Variants in MAN1A2 observed in about 807,000 individuals in gnomAD.
MAN1A2 encodes mannosidase alpha class 1A member 2, also known as mannosyl-oligosaccharide 1,2-alpha-mannosidase IB.
In MAN1A2, 26 loss-of-function variants were observed where a neutral mutation model predicts 75.7. The ratio of observed to expected loss-of-function variants is 0.34; its 90% CI spans 0.25 to 0.48. The LOEUF (loss-of-function observed/expected upper bound fraction) is 0.48. Ranked by LOEUF, MAN1A2 falls within the 20% of genes least tolerant of loss-of-function variation. The pLI, the probability that MAN1A2 is intolerant of heterozygous loss-of-function variation, is 0.99. For missense variants in MAN1A2, 562 were observed against 775.5 expected (o/e 0.72, Z 3.27); for synonymous variants, 247 against 264.6 (o/e 0.93, Z 0.65).
At chr1:117,395,317 TTTG>T (rs1168861328) in intron 1 of MAN1A2, among the ~76,000 whole-genome samples, 4 of 152,202 alleles carry the variant, frequency 2.6e-5, no homozygotes, top group Non-Finnish European at 5.9e-5. Context: ...TCAAAATGCA[TTTG>T]TTTATATCTA....
intron 1 of MAN1A2, among the ~76,000 whole-genome samples, chr1:117,378,864 G>GT (rs1557925739): frequency 6.6e-6 from 1 of 151,036 alleles, no homozygotes; most frequent in African/African-American, 2.4e-5. Context: ...TTTTTTGCCA[G>GT]TTTTCTTTTG....
chr1:117,520,861 G>A (rs904714377), intron 12 of MAN1A2, among the ~76,000 whole-genome samples: 1 of 151,920 alleles, frequency 6.6e-6, no homozygotes, highest in Non-Finnish European at 1.5e-5. Flanking sequence ...ACATAGCCAA[G>A]GCAAGACTAA....
chr1:117,467,938 T>C (rs75173411), intron 8 of MAN1A2, among the ~76,000 whole-genome samples: 1 of 152,120 alleles, frequency 6.6e-6, no homozygotes, highest in Non-Finnish European at 1.5e-5. Context: ...AAAAAAAGGG[T>C]TGAATATATA....
chr1:117,401,522 TG>T (rs992713288), intron 1 of MAN1A2, among the ~76,000 whole-genome samples: 1 of 152,162 alleles, frequency 6.6e-6, no homozygotes, highest in Admixed American at 6.5e-5. Context: ...AAAGTAGGGC[TG>T]GGTGGAAAAC....
At chr1:117,391,008 C>G (rs1653701831) in intron 1 of MAN1A2, among the ~76,000 whole-genome samples, 1 of 152,144 alleles carries the variant, frequency 6.6e-6, no homozygotes, top group Non-Finnish European at 1.5e-5. Flanking sequence ...TCACAATTAT[C>G]TGCAATGATC....
rs1289880941 is a variant in MAN1A2, at chr1:117,502,919, C to G, written c.1742C>G (p.Thr581Ser). The change falls in exon 12 of 13, where the codon ACT becomes AGT. Residue 581 changes from threonine to serine, a missense_variant. Physicochemically the swap from Thr to Ser is moderately conservative, Grantham distance 58. Coordinates refer to ENST00000356554, the MANE Select transcript of MAN1A2 (RefSeq NM_006699.5). ...GGAGTCAAAGATGTATATTCCTCTACTCCTACACATGATGATGTACAGCAG... is the reference window on the plus strand; with the variant it reads ...GGAGTCAAAGATGTATATTCCTCTAGTCCTACACATGATGATGTACAGCAG... Reference protein sequence around the residue: ...FSGVKDVYSSTPTHDDVQQSF... With the variant: ...FSGVKDVYSSSPTHDDVQQSF... 2 of 1,607,758 alleles carry G rather than the reference C, an allele frequency of 1.2e-6. No individual in the cohort carries two copies. Among genetic ancestry groups the G allele is most frequent in the Non-Finnish European group, 1.7e-6 (2 of 1,176,378 alleles).
chr1:117,458,419 T>A (rs1285950391), intron 6 of MAN1A2, among the ~76,000 whole-genome samples: 1 of 149,790 alleles, frequency 6.7e-6, no homozygotes, highest in Non-Finnish European at 1.5e-5. Context: ...TATTTTAATG[T>A]TCTCTAAACA....
chr1:117,525,614 TG>T lies in MAN1A2; in HGVS notation c.*2658del, dbSNP rs1651992662. On this transcript the variant is annotated 3_prime_UTR_variant, in exon 13 of 13. Coordinates refer to ENST00000356554, the MANE Select transcript of MAN1A2 (RefSeq NM_006699.5). ...CCTTACCTTGTGCCTTTGGCACAAA[TG>T]TGCAGAATAGATACATCAGTTGGTG... 6 of 153,788 alleles carry T rather than the reference TG, an allele frequency of 3.9e-5. No homozygotes were observed. In the East Asian group the frequency reaches 1.1e-3, roughly 29 times the overall value. The allele number at this position is 153,788 out of a possible 1,614,324, so 9.5% of individuals were successfully genotyped here.
intron 1 of MAN1A2, 71 bp downstream of exon 1, chr1:117,368,556 CTT>C (rs879072105): frequency 8.1e-6 from 10 of 1,227,992 alleles, no homozygotes; most frequent in Admixed American, 5.1e-5. Flanking sequence ...TCGAATCTGT[CTT>C]TTTTTTTTCT....
At chr1:117,382,423 A>G (rs577352481) in intron 1 of MAN1A2, among the ~76,000 whole-genome samples, 76 of 152,288 alleles carry the variant, frequency 5.0e-4, no homozygotes, top group African/African-American at 1.8e-3. Context: ...ACCCAGCACC[A>G]TTTATTAAAT....
intron 8 of MAN1A2, among the ~76,000 whole-genome samples, chr1:117,477,739 C>G (rs1650368939): frequency 6.6e-6 from 1 of 152,036 alleles, no homozygotes; most frequent in Admixed American, 6.6e-5. Context: ...TAAGGATGCC[C>G]TCTCTCACTA....
intron 1 of MAN1A2, among the ~76,000 whole-genome samples, chr1:117,388,494 C>G (rs1653613991): frequency 6.6e-6 from 1 of 152,082 alleles, no homozygotes; most frequent in South Asian, 2.1e-4. Context: ...TCTGAAGAGG[C>G]CCCAGGAAGC....
At chr1:117,429,800 G>T (rs1385871642) in intron 5 of MAN1A2, among the ~76,000 whole-genome samples, 1 of 85,642 alleles carries the variant, frequency 1.2e-5, no homozygotes, top group Admixed American at 1.0e-4. Context: ...GGCTGGCCGG[G>T]CGGGGGGCCG....
At chr1:117,468,728 T>C (rs1557963144) in intron 8 of MAN1A2, among the ~76,000 whole-genome samples, 1 of 152,152 alleles carries the variant, frequency 6.6e-6, no homozygotes, top group Admixed American at 6.5e-5. Flanking sequence ...TGTCCAGATA[T>C]AGTATACTAT....
intron 1 of MAN1A2, among the ~76,000 whole-genome samples, chr1:117,388,655 C>T (rs1018527283): frequency 6.6e-6 from 1 of 152,108 alleles, no homozygotes; most frequent in Non-Finnish European, 1.5e-5. Context: ...AGGGATCCAT[C>T]TCATGACCCA....
At chr1:117,406,564 G>A (rs577511994) in intron 3 of MAN1A2, among the ~76,000 whole-genome samples, 5 of 152,050 alleles carry the variant, frequency 3.3e-5, no homozygotes, top group Non-Finnish European at 7.4e-5. Flanking sequence ...AAAAGAAAAT[G>A]TCTTAAAAAA....
chr1:117,461,814 A>G (rs1250759099), intron 7 of MAN1A2, among the ~76,000 whole-genome samples: 3 of 152,168 alleles, frequency 2.0e-5, no homozygotes, highest in Non-Finnish European at 4.4e-5. Flanking sequence ...GATTTATAGC[A>G]TAAATTCAGT....
In MAN1A2 at chr1:117,420,690, A is replaced by T. The variant is rs1478901756; in HGVS notation, c.855+41A>T. The T allele has an allele frequency of 7.9e-6, 11 of 1,398,652 alleles. No homozygotes were observed. The East Asian group carries it at 2.5e-4, about 32-fold the overall frequency. The allele number at this position is 1,398,652 out of a possible 1,614,324, so 86.6% of individuals were successfully genotyped here. On this transcript the variant is annotated intron_variant, in intron 5 of 12. Coordinates refer to ENST00000356554, the MANE Select transcript of MAN1A2 (RefSeq NM_006699.5). ...CAATGCATTGTTTGTTTTGGAGGGG[A>T]GGGTTGGAATTTAATAAAATGAACA...
At chr1:117,484,235 G>A (rs2101863501) in intron 8 of MAN1A2, among the ~76,000 whole-genome samples, 1 of 151,988 alleles carries the variant, frequency 6.6e-6, no homozygotes, top group East Asian at 1.9e-4. Flanking sequence ...TCATAAGGAA[G>A]AGAAAATACA....
Sources: allele counts gnomAD v4.1 joint callset (sites outside exome capture counted in the v4.1 genomes callset), GRCh38; gene constraint gnomAD v4.1.1; transcripts MANE v1.5; gene names NCBI Gene and HGNC (gene_info 2026-07-23, HGNC 2026-07-21).